Variants in EFTUD2 observed in about 807,000 individuals in gnomAD.
EFTUD2 encodes the protein elongation factor Tu GTP binding domain containing 2.
EFTUD2 carries 9 observed loss-of-function variants against 114.3 expected under a neutral mutation model. That is an observed-to-expected ratio of 0.08 (90% confidence interval 0.05 to 0.14). The LOEUF (loss-of-function observed/expected upper bound fraction) is 0.14. Ranked by LOEUF, EFTUD2 falls within the 10% of genes least tolerant of loss-of-function variation. The pLI, the probability that EFTUD2 is intolerant of heterozygous loss-of-function variation, is 1.00. For synonymous variants in EFTUD2, 449 were observed against 462.3 expected (o/e 0.97, Z 0.37); for missense variants, 765 against 1,241.2 (o/e 0.62, Z 5.76).
chr17:44,851,475 G>T, intron 27 of EFTUD2, 106 bp from the exon 28 acceptor site: 1 of 996,010 alleles, frequency 1.0e-6, no homozygotes, highest in Non-Finnish European at 1.6e-6. Flanking sequence ...TGGCTGGAAT[G>T]TAGGTGGTGG....
rs776087937 is a variant in EFTUD2 at position 44,880,655 on chromosome 17, C to A, written c.529-11G>T. The A allele has an allele frequency of 6.2e-7, 1 of 1,611,254 alleles. No homozygotes were observed. Among genetic ancestry groups the A allele is most frequent in the Non-Finnish European group, 8.5e-7 (1 of 1,177,816 alleles). ...GATGCCTACACCTCTCTGAAAGGAA[C>A]AAAGAGTGGTCAAGACCTCTTCCTA... On this transcript the variant is annotated splice_polypyrimidine_tract_variant and intron_variant, in intron 7 of 27. Transcript: ENST00000426333.
chr17:44,872,505 G>T lies in EFTUD2; in HGVS notation c.935C>A (p.Ser312Tyr). The T allele has an allele frequency of 6.2e-7, 1 of 1,613,522 alleles. No homozygotes were observed. The highest frequency in any genetic ancestry group is 8.5e-7 in the Non-Finnish European group (1 of 1,179,626). The change falls in exon 11 of 28, where the codon TCC becomes TAC. Residue 312 changes from serine (S) to tyrosine (Y), a missense_variant. Around this residue, in one of 6 missense-constraint regions of EFTUD2, gnomAD observed 251 missense variants for 357.7 expected, o/e 0.70. Transcript: ENST00000426333. Reference protein sequence around the residue: ...PLLGNVCFSSSQYSICFTLGS... With the variant: ...PLLGNVCFSSYQYSICFTLGS... ...CAGCGTGAAGCAGATGCTGTACTGG[G>T]AGCTGGAGAAGCAGACGTTACCCAG...
In EFTUD2 at chr17:44,850,370, A is replaced by T; in HGVS notation, c.*904T>A. The T allele has an allele frequency of 6.2e-7, 1 of 1,613,346 alleles. No homozygotes were observed. The highest frequency in any genetic ancestry group is 8.5e-7 in the Non-Finnish European group (1 of 1,179,564). ...AATGTACAGCGATTACGTCAAGAGG[A>T]TGGCACAGGATGCTGGAGAGAAGTA... On this transcript the variant is annotated 3_prime_UTR_variant, in exon 28 of 28. Transcript: ENST00000426333.
At chr17:44,863,050 T>C in intron 15 of EFTUD2, 144 bp from the exon 16 acceptor site, 1 of 613,754 alleles carries the variant, frequency 1.6e-6, no homozygotes, top group Non-Finnish European at 2.7e-6. Context: ...AACCATGTTC[T>C]ACCCCATCCC....
rs573434205 is a variant in EFTUD2 at position 44,859,203 on chromosome 17, C to T, written c.1861-22G>A. On this transcript the variant is annotated intron_variant, in intron 18 of 27. Coordinates refer to ENST00000426333, the MANE Select transcript of EFTUD2 (RefSeq NM_004247.4). ...CCACCTGAAACACAACAGGCAGTCA[C>T]AGCCTGGATTCTCTTATGCCAGCAA... 10 of 1,556,482 alleles carry T rather than the reference C, an allele frequency of 6.4e-6. No homozygotes were observed. In the Admixed American group the frequency reaches 1.2e-4, roughly 18 times the overall value.
chr17:44,876,017 C>G lies in EFTUD2; in HGVS notation c.786G>C (p.Arg262=). The change falls in exon 10 of 28, where the codon CGG becomes CGC. Residue 262 remains arginine (R), a synonymous_variant. Transcript: ENST00000426333. The part of the protein sequence containing the change: ...AVTVCINKID[R]LILELKLPPT... ...GAGGCAGCTTCAGCTCCAGGATCAG[C>G]CGGTCAATCTTGTTGATGCACACAG... is the stretch of plus-strand genomic sequence containing the variant. 6.2e-7 allele frequency: 1 copy of G among 1,614,052 alleles called. No homozygotes were observed. Among genetic ancestry groups the G allele is most frequent in the South Asian group, 1.1e-5 (1 of 91,072 alleles).
chr17:44,890,190 T>C (rs2051253750), intron 2 of EFTUD2, among the ~76,000 whole-genome samples: 1 of 151,508 alleles, frequency 6.6e-6, no homozygotes, highest in South Asian at 2.1e-4. Context: ...TTTTGTATTT[T>C]TGTATTTTTA....
chr17:44,886,516 G>C, intron 3 of EFTUD2, 69 bp downstream of exon 3: 4 of 1,573,404 alleles, frequency 2.5e-6, no homozygotes, highest in Non-Finnish European at 3.5e-6. Flanking sequence ...AACTTTTAAG[G>C]TTTGCTGAGA....
chr17:44,881,500 C>T (rs961006762), intron 7 of EFTUD2, among the ~76,000 whole-genome samples, 187 bp downstream of exon 7: 2 of 152,206 alleles, frequency 1.3e-5, no homozygotes, highest in South Asian at 4.1e-4. Flanking sequence ...AGCTTGCCTA[C>T]CCAGTTCTTT....
At chr17:44,876,823 A>G (rs1159542654) in intron 9 of EFTUD2, among the ~76,000 whole-genome samples, 1 of 128,516 alleles carries the variant, frequency 7.8e-6, no homozygotes. Flanking sequence ...ACTGCACTCC[A>G]GCCTGCTGGG....
chr17:44,851,761 C>T lies in EFTUD2; in HGVS notation c.2772G>A (p.Gln924=). 6.2e-7 allele frequency: 1 copy of T among 1,603,336 alleles called. No individual in the cohort carries two copies. Among genetic ancestry groups the T allele is most frequent in the Admixed American group, 1.8e-5 (1 of 57,138 alleles). Residue 924 remains glutamine (Q), a synonymous_variant, in exon 27 of 28, where the codon CAG becomes CAA. Coordinates refer to ENST00000426333, the MANE Select transcript of EFTUD2 (RefSeq NM_004247.4). ...ATTCCCGGGCCAGGTGAGGAGCTGGCTGTGGCTCCAAGGGGCGGATGACAA... is the reference window on the plus strand; with the variant it reads ...ATTCCCGGGCCAGGTGAGGAGCTGGTTGTGGCTCCAAGGGGCGGATGACAA... ...KSIVIRPLEP[Q]PAPHLAREFM...
At chr17:44,852,263 T>C (rs1327823661) in intron 26 of EFTUD2, 146 bp downstream of exon 26, 8 of 944,878 alleles carry the variant, frequency 8.5e-6, no homozygotes, top group East Asian at 2.7e-5. Context: ...CAGATTCAAG[T>C]TGCCCTGAAT....
At chr17:44,875,804 G>A in intron 10 of EFTUD2, 130 bp downstream of exon 10, 1 of 1,074,038 alleles carries the variant, frequency 9.3e-7, no homozygotes, top group Non-Finnish European at 1.4e-6. Context: ...GTCCCAGGAT[G>A]TGCCTCTAGT....
At chr17:44,898,252 T>A (rs952637003) in intron 1 of EFTUD2, among the ~76,000 whole-genome samples, 1 of 152,064 alleles carries the variant, frequency 6.6e-6, no homozygotes, top group African/African-American at 2.4e-5. Context: ...AGTTTTGCTC[T>A]TGTTGCCCAG....
chr17:44,891,009 A>G, intron 2 of EFTUD2, among the ~76,000 whole-genome samples: 1 of 151,214 alleles, frequency 6.6e-6, no homozygotes, highest in Non-Finnish European at 1.5e-5. Context: ...CTTGGTGTCT[A>G]TCACTAAGAG....
At chr17:44,891,667 T>A (rs6503407) in intron 2 of EFTUD2, among the ~76,000 whole-genome samples, 39,930 of 152,126 alleles carry the variant, frequency 0.26, 5,313 homozygotes, top group Non-Finnish European at 0.28. Context: ...TTCTTTATTT[T>A]AAAAATTTTT....
intron 6 of EFTUD2, 148 bp downstream of exon 6, chr17:44,882,945 A>C: frequency 1.6e-6 from 1 of 609,382 alleles, no homozygotes; most frequent in Non-Finnish European, 2.7e-6. Context: ...ATTTTCTTAC[A>C]GCCTATTAAT....
intron 20 of EFTUD2, among the ~76,000 whole-genome samples, chr17:44,855,870 T>C (rs2050541100): frequency 6.6e-6 from 1 of 150,788 alleles, no homozygotes; most frequent in African/African-American, 2.4e-5. Context: ...GGGAATTGCT[T>C]GGACCCGGGA....
At chr17:44,859,641 G>GCGCACACA (rs1555565267) in intron 18 of EFTUD2, 1 of 518,218 alleles carries the variant, frequency 1.9e-6, no homozygotes, top group African/African-American at 1.9e-5. Flanking sequence ...ACACAAATAC[G>GCGCACACA]CACACACACA....
Sources: allele counts gnomAD v4.1 joint callset (sites outside exome capture counted in the v4.1 genomes callset), GRCh38; gene constraint gnomAD v4.1.1; regional missense constraint gnomAD v4.1.1; transcripts MANE v1.5; gene names NCBI Gene and HGNC (gene_info 2026-07-23, HGNC 2026-07-21).